The following ZMYM5 variants were observed in gnomAD, a reference collection of about 807,000 sequenced individuals.
ZMYM5 encodes zinc finger MYM-type containing 5.
ZMYM5 carries 41 observed loss-of-function variants against 61.8 expected under a neutral mutation model. That is an observed-to-expected ratio of 0.66 (90% CI 0.52 to 0.86). The LOEUF is 0.86. ZMYM5 is among the 40% of genes least tolerant of loss of function. The pLI is 0.00. For missense variants in ZMYM5, 706 were observed against 786.7 expected, an observed-to-expected ratio of 0.90 and a Z score of 1.23; for synonymous variants, 257 against 276.4, an observed-to-expected ratio of 0.93 and a Z score of 0.70.
chr13:19,835,772 T>C (rs1440546315), intron 6 of ZMYM5, 83 bp from the exon 7 acceptor site: 7 of 1,038,322 alleles, frequency 6.7e-6, no homozygotes, highest in Non-Finnish European at 9.2e-6. Context: ...GTTTCTGCAA[T>C]AGAAGCAAAG....
At chr13:19,859,851 T>A (rs1055167111) in intron 2 of ZMYM5, among the ~76,000 whole-genome samples, 1 of 150,498 alleles carries the variant, frequency 6.6e-6, no homozygotes, top group African/African-American at 2.4e-5. Context: ...GTGCCTATCA[T>A]CCCAGCACTT....
intron 4 of ZMYM5, among the ~76,000 whole-genome samples, chr13:19,845,603 G>A (rs79474866): frequency 1.5e-4 from 23 of 152,270 alleles, no homozygotes; most frequent in Admixed American, 8.5e-4. Flanking sequence ...AATCTGGGAG[G>A]GGCTCCCAAG....
chr13:19,852,900 T>A (rs377552308), intron 2 of ZMYM5, among the ~76,000 whole-genome samples: 1 of 152,270 alleles, frequency 6.6e-6, no homozygotes, highest in South Asian at 2.1e-4. Context: ...CAGGCTGGAG[T>A]GCAGTTGTGC....
intron 7 of ZMYM5, among the ~76,000 whole-genome samples, chr13:19,831,769 CAG>C (rs1411726727): frequency 1.0e-5 from 1 of 98,338 alleles, no homozygotes; most frequent in Non-Finnish European, 1.8e-5. Context: ...GCCTGGGTGA[CAG>C]AGAGAGACTC....
At chr13:19,853,480 G>A (rs950981268) in intron 2 of ZMYM5, among the ~76,000 whole-genome samples, 1 of 151,772 alleles carries the variant, frequency 6.6e-6, no homozygotes, top group Non-Finnish European at 1.5e-5. Context: ...TTTAGTAGAT[G>A]TGAGGTCTCA....
At position 19,851,707 on chromosome 13, in the gene ZMYM5, G is replaced by A; in HGVS notation, c.474C>T (p.Ser158=). 1 of 1,575,808 alleles carries A rather than the reference G, an allele frequency of 6.3e-7. No individual in the cohort carries two copies. The highest frequency in any genetic ancestry group is 8.6e-7 in the Non-Finnish European group (1 of 1,167,508). Residue 158 remains serine, a synonymous_variant, in exon 3 of 8, where the codon TCC becomes TCT. Coordinates refer to ENST00000337963, the MANE Select transcript of ZMYM5 (RefSeq NM_001142684.2). ...CATTTACCTTACTTCTTGAAAGACT[G>A]GAAGTGGAGAAATCCAAATCGTTGG... ...NKTNDLDFST[S]SLSRSKTKTG...
Position 19,851,384 on chromosome 13 carries a change from T to C in ZMYM5, c.557A>G (p.Asn186Ser). The C allele has an allele frequency of 6.2e-7, 1 of 1,614,168 alleles. No homozygotes were observed. Among genetic ancestry groups the C allele is most frequent in the South Asian group, 1.1e-5 (1 of 91,082 alleles). Residue 186 changes from asparagine to serine, a missense_variant, in exon 4 of 8, where the codon AAT becomes AGT. Physicochemically the swap from Asn to Ser is conservative, Grantham distance 46. Coordinates refer to ENST00000337963, the MANE Select transcript of ZMYM5 (RefSeq NM_001142684.2). ...ACTATGATGAGTTGCAAATTCTCCA[T>C]TCTGAAATAAGTCTCCTGCCACATT... ...RMNVAGDLFQ[N>S]GEFATHHSPD...
At chr13:19,856,091 C>G (rs1243518026) in intron 2 of ZMYM5, among the ~76,000 whole-genome samples, 2 of 151,752 alleles carry the variant, frequency 1.3e-5, no homozygotes, top group East Asian at 3.9e-4. Context: ...GTGTTTATAA[C>G]TTAACCATGA....
Position 19,825,237 on chromosome 13 carries a change from T to G in ZMYM5, c.1252-2A>C, listed in dbSNP as rs1430169054. On this transcript the variant is annotated splice_acceptor_variant, in intron 7 of 7. Coordinates refer to ENST00000337963, the MANE Select transcript of ZMYM5 (RefSeq NM_001142684.2). LOFTEE classifies it high-confidence loss of function. ...TTTTTTTGATTTTGTTTCCATCATCTGAGGACAAAGAGGATTATAATTTTA... is the reference window on the plus strand; with the variant it reads ...TTTTTTTGATTTTGTTTCCATCATCGGAGGACAAAGAGGATTATAATTTTA... 1 of 1,253,938 alleles carries G rather than the reference T, an allele frequency of 8.0e-7. No individual in the cohort carries two copies. Among genetic ancestry groups the G allele is most frequent in the Admixed American group, 3.3e-5 (1 of 30,014 alleles). 77.7% of individuals were successfully genotyped at this position (1,253,938 alleles called of 1,614,324 possible).
chr13:19,854,943 T>C (rs1195381984), intron 2 of ZMYM5, among the ~76,000 whole-genome samples: 1 of 152,222 alleles, frequency 6.6e-6, no homozygotes, highest in African/African-American at 2.4e-5. Context: ...AAATTACTTA[T>C]CTTTTATTAA....
intron 2 of ZMYM5, among the ~76,000 whole-genome samples, chr13:19,857,207 ACTGT>A (rs1287048624): frequency 2.6e-5 from 4 of 152,258 alleles, no homozygotes; most frequent in Non-Finnish European, 5.9e-5. Flanking sequence ...GATTTCAGCA[ACTGT>A]CTAATTTTAA....
chr13:19,845,539 A>G (rs1953046031), intron 4 of ZMYM5, among the ~76,000 whole-genome samples: 1 of 152,248 alleles, frequency 6.6e-6, no homozygotes, highest in Admixed American at 6.5e-5. Flanking sequence ...CCTGGTTCTC[A>G]GCAAGACTGC....
chr13:19,831,278 C>T (rs1208299260), intron 7 of ZMYM5, among the ~76,000 whole-genome samples: 1 of 142,118 alleles, frequency 7.0e-6, no homozygotes, highest in Non-Finnish European at 1.5e-5. Context: ...AGCCATGTGT[C>T]ACCATGCCTG....
At chr13:19,860,841 G>A (rs1953720489) in intron 2 of ZMYM5, among the ~76,000 whole-genome samples, 1 of 143,516 alleles carries the variant, frequency 7.0e-6, no homozygotes, top group African/African-American at 2.6e-5. Context: ...AAAATCTCAA[G>A]AAATAAAGGA....
chr13:19,851,319 T>A (rs1953285007), intron 4 of ZMYM5, 36 bp downstream of exon 4: 1 of 1,549,838 alleles, frequency 6.5e-7, no homozygotes, highest in Non-Finnish European at 8.9e-7. Context: ...AAAGGCTTAT[T>A]TACTTGAGGT....
At chr13:19,830,411 G>A (rs965837930) in intron 7 of ZMYM5, among the ~76,000 whole-genome samples, 1 of 152,100 alleles carries the variant, frequency 6.6e-6, no homozygotes, top group African/African-American at 2.4e-5. Flanking sequence ...GTCTTACTCC[G>A]TTGCTCAGGT....
chr13:19,847,468 T>C (rs1953114008), intron 4 of ZMYM5, among the ~76,000 whole-genome samples: 1 of 152,096 alleles, frequency 6.6e-6, no homozygotes. Flanking sequence ...CAGAAATACA[T>C]ATGAGAAGCC....
rs545220752 is a variant in ZMYM5 at position 19,845,190 on chromosome 13, A to G, written c.586+6165T>C. ...TTTAATATGATCTAATAATATAATG[A>G]TATGTCCAATGCTTCCCTGAGGTCA... On this transcript the variant is annotated intron_variant, in intron 4 of 7. Coordinates refer to ENST00000337963, the MANE Select transcript of ZMYM5 (RefSeq NM_001142684.2). Among the ~76,000 whole-genome samples, 211 of 152,356 alleles carry G rather than the reference A, an allele frequency of 1.4e-3. 2 individuals are homozygous for G. The highest frequency in any genetic ancestry group is 4.8e-3 in the African/African-American group (200 of 41,592).
At chr13:19,861,804 CATTTGTACT>C (rs1953773689) in intron 2 of ZMYM5, among the ~76,000 whole-genome samples, 1 of 151,174 alleles carries the variant, frequency 6.6e-6, no homozygotes, top group African/African-American at 2.4e-5. Flanking sequence ...AGAGAAAGGG[CATTTGTACT>C]GTACCAAAAT....
Sources: allele counts gnomAD v4.1 joint callset (sites outside exome capture counted in the v4.1 genomes callset), GRCh38; gene constraint gnomAD v4.1.1; transcripts MANE v1.5; gene names NCBI Gene and HGNC (gene_info 2026-07-23, HGNC 2026-07-21).